SLC22A25: variants seen among roughly 807,000 people sequenced by gnomAD.
SLC22A25 encodes the protein MGI:2442751, MGI:2385316, MGI:3042283, MGI:3645714, MGI:3605624, MGI:2442750.
In SLC22A25, 44 loss-of-function variants were observed where a neutral mutation model predicts 45.9. That is an observed-to-expected ratio of 0.96 (90% CI 0.75 to 1.23). The LOEUF is 1.23. Ranked by LOEUF, SLC22A25 falls within the 50% of genes most tolerant of loss-of-function variation. SLC22A25 has a pLI of 0.00. For synonymous variants in SLC22A25, 283 were observed against 238.6 expected (o/e 1.19, Z -1.72); for missense variants, 800 against 666.4 (o/e 1.20, Z -2.21).
chr11:63,234,508 C>T (rs1020669082), intron 3 of SLC22A25, among the ~76,000 whole-genome samples: 6 of 152,120 alleles, frequency 3.9e-5, no homozygotes, highest in African/African-American at 1.4e-4. Flanking sequence ...TCGTCCATCC[C>T]TTTATTTTGA....
intron 5 of SLC22A25, among the ~76,000 whole-genome samples, chr11:63,224,203 T>C (rs565776252): frequency 6.6e-6 from 1 of 152,248 alleles, no homozygotes; most frequent in Admixed American, 6.5e-5. Context: ...ATCATCTCTT[T>C]TTACGTTTTT....
At chr11:63,225,783 G>A (rs2089949591) in intron 5 of SLC22A25, among the ~76,000 whole-genome samples, 1 of 152,072 alleles carries the variant, frequency 6.6e-6, no homozygotes, top group Admixed American at 6.6e-5. Context: ...CTTTTGAGAT[G>A]ATTTTCTAGA....
At chr11:63,196,972 G>C (rs1358353460) in intron 7 of SLC22A25, among the ~76,000 whole-genome samples, 2 of 147,062 alleles carry the variant, frequency 1.4e-5, no homozygotes, top group Non-Finnish European at 3.0e-5. Flanking sequence ...CAGACACACA[G>C]AGAGCCAAAC....
intron 7 of SLC22A25, among the ~76,000 whole-genome samples, chr11:63,192,445 A>G (rs2088849815): frequency 1.3e-5 from 2 of 152,214 alleles, no homozygotes; most frequent in Non-Finnish European, 2.9e-5. Flanking sequence ...CTGAAAAATG[A>G]TCAGTTAGCA....
intron 7 of SLC22A25, among the ~76,000 whole-genome samples, chr11:63,198,679 G>A (rs1226275596): frequency 6.6e-6 from 1 of 151,960 alleles, no homozygotes; most frequent in Non-Finnish European, 1.5e-5. Context: ...AAACAAATCT[G>A]CACATTGTGC....
intron 7 of SLC22A25, among the ~76,000 whole-genome samples, chr11:63,208,927 A>G (rs1446959618): frequency 1.3e-5 from 2 of 152,190 alleles, no homozygotes; most frequent in Non-Finnish European, 2.9e-5. Context: ...AAAGTGTGCC[A>G]CAAGGGAGGA....
chr11:63,166,171 A>C lies in SLC22A25; in HGVS notation c.1158T>G (p.Gly386=). ...CACAATTGGCCAGGAGGGTGACTGC[A>C]CCAAAGAGAGTCTGCAACAGGAAAA... ...NNVFLLQTLF[G]AVTLLANCVA... is the part of the protein sequence containing the mutation. The change falls in exon 10 of 12, where the codon GGT becomes GGG. Residue 386 remains glycine, a synonymous_variant. Transcript: ENST00000306494. 1 of 1,614,058 alleles carries C rather than the reference A, an allele frequency of 6.2e-7. No homozygotes were observed. Among genetic ancestry groups the C allele is most frequent in the Non-Finnish European group, 8.5e-7 (1 of 1,179,974 alleles).
chr11:63,235,545 T>C (rs2090148577), intron 3 of SLC22A25, among the ~76,000 whole-genome samples: 2 of 152,322 alleles, frequency 1.3e-5, no homozygotes, highest in South Asian at 4.1e-4. Flanking sequence ...TATCCATTCA[T>C]CTAATTTTTT....
intron 9 of SLC22A25, chr11:63,167,732 G>C (rs1208943712): frequency 6.5e-6 from 1 of 153,806 alleles, no homozygotes. Context: ...GTGGCTGTGG[G>C]TGCAGCTTCA....
At chr11:63,180,587 G>T in intron 9 of SLC22A25, 73 bp downstream of exon 9, 2 of 1,048,070 alleles carry the variant, frequency 1.9e-6, no homozygotes, top group Non-Finnish European at 2.8e-6. Flanking sequence ...TCAACATGTT[G>T]TATCATTTGA....
At chr11:63,200,866 G>A (rs752426703) in intron 7 of SLC22A25, among the ~76,000 whole-genome samples, 4 of 152,068 alleles carry the variant, frequency 2.6e-5, no homozygotes, top group Non-Finnish European at 5.9e-5. Flanking sequence ...ACCAACAACA[G>A]CCAAGCCAAG....
intron 9 of SLC22A25, among the ~76,000 whole-genome samples, chr11:63,172,008 C>T (rs1459895399): frequency 6.6e-6 from 1 of 152,066 alleles, no homozygotes; most frequent in East Asian, 1.9e-4. Context: ...ACTACCATCT[C>T]GTCTTTGACA....
At chr11:63,232,092 C>T (rs1271392443) in intron 3 of SLC22A25, among the ~76,000 whole-genome samples, 1 of 152,082 alleles carries the variant, frequency 6.6e-6, no homozygotes, top group Non-Finnish European at 1.5e-5. Flanking sequence ...GTTCTTTTGG[C>T]TTAGGATTGA....
intron 7 of SLC22A25, among the ~76,000 whole-genome samples, chr11:63,187,143 C>A (rs756210213): frequency 1.4e-4 from 21 of 152,084 alleles, no homozygotes; most frequent in Non-Finnish European, 2.9e-4. Flanking sequence ...GGCAGTATGG[C>A]CATTTTCATG....
chr11:63,225,810 CCTT>C (rs1488062108), intron 5 of SLC22A25, among the ~76,000 whole-genome samples: 1 of 152,012 alleles, frequency 6.6e-6, no homozygotes, highest in Non-Finnish European at 1.5e-5. Context: ...GGGAGTGCTT[CCTT>C]CTTTTTAATT....
At chr11:63,238,322 G>A (rs1006080326) in intron 2 of SLC22A25, among the ~76,000 whole-genome samples, 10 of 152,084 alleles carry the variant, frequency 6.6e-5, no homozygotes, top group African/African-American at 1.4e-4. Context: ...TTAATGATTC[G>A]TGATTATCAC....
chr11:63,217,533 A>G (rs780245008), intron 6 of SLC22A25, 48 bp downstream of exon 6: 12 of 1,610,314 alleles, frequency 7.5e-6, no homozygotes, highest in African/African-American at 4.0e-5. Context: ...TGGAGCTTCA[A>G]TGTCAAAGCC....
At position 63,204,696 on chromosome 11, in the gene SLC22A25, C is replaced by T. The variant is rs573259929; in HGVS notation, c.830+12618G>A. Reference sequence around the variant, plus strand: ...GAGACCTACAAAGAGACTTAGACTCCCACACTATAATATTGGGAGACTTTA... The same window carrying T: ...GAGACCTACAAAGAGACTTAGACTCTCACACTATAATATTGGGAGACTTTA... On this transcript the variant is annotated intron_variant, in intron 7 of 11. Transcript: ENST00000306494. 3.7e-3 allele frequency among the ~76,000 whole-genome samples: 567 copies of T among 152,200 alleles called. 5 individuals are homozygous for T. The highest frequency in any genetic ancestry group is 0.013 in the African/African-American group (535 of 41,514).
rs2087538128 is a variant in SLC22A25, at chr11:63,161,898, G to A, written c.*1926C>T. Reference sequence around the variant, plus strand: ...TTACATTCCCACCAACAGTGTATGAGGGTTCCCTTTTCTCCACATTCTCAC... The same window carrying A: ...TTACATTCCCACCAACAGTGTATGAAGGTTCCCTTTTCTCCACATTCTCAC... On this transcript the variant is annotated 3_prime_UTR_variant, in exon 12 of 12. Transcript: ENST00000306494. Among the ~76,000 whole-genome samples, 2 of 152,246 alleles carry A rather than the reference G, an allele frequency of 1.3e-5. No individual in the cohort carries two copies. The highest frequency in any genetic ancestry group is 2.9e-5 in the Non-Finnish European group (2 of 68,016).
Sources: gnomAD v4.1 joint callset for allele counts (sites outside exome capture counted in the v4.1 genomes callset) on GRCh38, gnomAD v4.1.1 for gene constraint, MANE v1.5 for transcripts, NCBI Gene and HGNC (gene_info 2026-07-23, HGNC 2026-07-21) for gene names.